The following CTNNA3 variants were observed in gnomAD, a reference collection of about 807,000 sequenced individuals.
The protein encoded by CTNNA3 is catenin alpha-3.
A neutral mutation model predicts 95.7 loss-of-function variants in CTNNA3; 76 were observed. The observed-to-expected ratio is 0.79, with a 90% CI of 0.66 to 0.96. The LOEUF (loss-of-function observed/expected upper bound fraction) is 0.96. CTNNA3 is among the 40% of genes least tolerant of loss of function. The pLI is 0.00. For synonymous variants in CTNNA3, 431 were observed against 374.4 expected, an observed-to-expected ratio of 1.15 and a Z score of -1.74; for missense variants, 1,191 against 1,089.8, an observed-to-expected ratio of 1.09 and a Z score of -1.31.
At chr10:67,485,902 T>C (rs1418950063) in intron 5 of CTNNA3, among the ~76,000 whole-genome samples, 2 of 152,216 alleles carry the variant, frequency 1.3e-5, no homozygotes, top group Non-Finnish European at 2.9e-5. Context: ...AAACACTTCT[T>C]TGTTGGTTTT....
At chr10:66,870,292 C>G (rs938435884) in intron 7 of CTNNA3, among the ~76,000 whole-genome samples, 1 of 152,148 alleles carries the variant, frequency 6.6e-6, no homozygotes, top group African/African-American at 2.4e-5. Context: ...TTTGCAAAAA[C>G]GCAATGATGC....
chr10:67,494,792 T>C (rs543684388), intron 5 of CTNNA3, among the ~76,000 whole-genome samples: 11 of 152,336 alleles, frequency 7.2e-5, no homozygotes, highest in Non-Finnish European at 7.3e-5. Flanking sequence ...CTATGAAATG[T>C]AATATTAACA....
chr10:67,603,215 T>C (rs1239875956), intron 3 of CTNNA3, among the ~76,000 whole-genome samples: 2 of 152,178 alleles, frequency 1.3e-5, no homozygotes, highest in Middle Eastern at 3.2e-3. Flanking sequence ...CTTTGCTACA[T>C]GAGCAAAAAC....
chr10:66,862,691 C>T (rs542635517), intron 7 of CTNNA3, among the ~76,000 whole-genome samples: 6 of 152,230 alleles, frequency 3.9e-5, no homozygotes, highest in East Asian at 3.9e-4. Context: ...AGATGAAATT[C>T]GAGAAGTTTG....
At chr10:67,070,132 T>G (rs1480760805) in intron 7 of CTNNA3, among the ~76,000 whole-genome samples, 1 of 152,204 alleles carries the variant, frequency 6.6e-6, no homozygotes, top group Non-Finnish European at 1.5e-5. Flanking sequence ...TAATTTGCAT[T>G]AGTATAATGA....
chr10:67,330,237 T>C (rs943180003), intron 5 of CTNNA3, among the ~76,000 whole-genome samples: 2 of 152,194 alleles, frequency 1.3e-5, no homozygotes, highest in African/African-American at 4.8e-5. Context: ...CTGTCACATC[T>C]CTCTCCTGCA....
rs547821710 is a variant in CTNNA3 at position 66,292,871 on chromosome 10, T to A, written c.1733-12250A>T. 2.0e-3 allele frequency among the ~76,000 whole-genome samples: 300 copies of A among 152,262 alleles called. 2 individuals are homozygous for A. The highest frequency in any genetic ancestry group is 6.9e-3 in the African/African-American group (288 of 41,550). Reference sequence around the variant, plus strand: ...ATAATCTTAAATCTACCTACTTCTTTCTCCTCAAAAGACCTCATTACCTTG... The same window carrying A: ...ATAATCTTAAATCTACCTACTTCTTACTCCTCAAAAGACCTCATTACCTTG... On this transcript the variant is annotated intron_variant, in intron 12 of 17. Coordinates refer to ENST00000433211, the MANE Select transcript of CTNNA3 (RefSeq NM_013266.4).
At chr10:66,708,644 G>A (rs1007385714) in intron 9 of CTNNA3, among the ~76,000 whole-genome samples, 2 of 152,060 alleles carry the variant, frequency 1.3e-5, no homozygotes, top group African/African-American at 4.8e-5. Flanking sequence ...AGGCCAGAGA[G>A]CTGTCATGAA....
intron 11 of CTNNA3, among the ~76,000 whole-genome samples, chr10:66,436,075 G>A (rs1255432789): frequency 6.6e-6 from 1 of 152,156 alleles, no homozygotes; most frequent in Non-Finnish European, 1.5e-5. Context: ...TGCATTTGCT[G>A]AGGAGTGTTT....
At chr10:67,006,155 A>C (rs1851975580) in intron 7 of CTNNA3, among the ~76,000 whole-genome samples, 1 of 152,122 alleles carries the variant, frequency 6.6e-6, no homozygotes, top group Admixed American at 6.6e-5. Context: ...TGTTTCTTGC[A>C]GGGAAGCTGA....
At chr10:67,017,754 C>CGT (rs1564834583) in intron 7 of CTNNA3, among the ~76,000 whole-genome samples, 1 of 140,830 alleles carries the variant, frequency 7.1e-6, no homozygotes, top group African/African-American at 2.6e-5. Flanking sequence ...TGTGTGTGTG[C>CGT]GCGCGTACAA....
chr10:66,117,991 T>A (rs1418305418), intron 13 of CTNNA3, among the ~76,000 whole-genome samples: 2 of 152,140 alleles, frequency 1.3e-5, no homozygotes, highest in Non-Finnish European at 2.9e-5. Flanking sequence ...CTGTGTAACC[T>A]GGGAGAGTTA....
chr10:67,496,932 C>CT (rs1297602593), intron 5 of CTNNA3, among the ~76,000 whole-genome samples: 1 of 151,946 alleles, frequency 6.6e-6, no homozygotes, highest in African/African-American at 2.4e-5. Flanking sequence ...ATGTGTCTAT[C>CT]TTTTTTTAAA....
intron 5 of CTNNA3, among the ~76,000 whole-genome samples, chr10:67,380,416 C>T (rs1843897280): frequency 1.3e-5 from 2 of 152,106 alleles, no homozygotes; most frequent in Admixed American, 1.3e-4. Context: ...CTGTAATCTT[C>T]CAAGAGGCAT....
intron 15 of CTNNA3, among the ~76,000 whole-genome samples, chr10:65,990,109 A>ACC (rs554841143): frequency 6.2e-4 from 92 of 148,510 alleles, no homozygotes; most frequent in African/African-American, 2.1e-3. Context: ...ACACACACAC[A>ACC]CCACATTTTA....
In CTNNA3 at chr10:66,744,111, C is replaced by T. The variant is rs186894481; in HGVS notation, c.1281+22153G>A. Among the ~76,000 whole-genome samples, 596 of 151,932 alleles carry T rather than the reference C, an allele frequency of 3.9e-3. 2 individuals carry two copies. The highest frequency in any genetic ancestry group is 0.013 in the African/African-American group (549 of 41,448). Reference sequence around the variant, plus strand: ...TGACTACTATGACAGAGCAAATGCACGCTCTCAGACCTATGAGCTTCTAAA... The same window carrying T: ...TGACTACTATGACAGAGCAAATGCATGCTCTCAGACCTATGAGCTTCTAAA... On this transcript the variant is annotated intron_variant, in intron 9 of 17. Coordinates refer to ENST00000433211, the MANE Select transcript of CTNNA3 (RefSeq NM_013266.4).
chr10:66,888,668 G>T (rs914534718), intron 7 of CTNNA3, among the ~76,000 whole-genome samples: 5 of 151,958 alleles, frequency 3.3e-5, no homozygotes, highest in Admixed American at 3.3e-4. Flanking sequence ...ATTAAAACAA[G>T]ATACCACTAC....
chr10:67,372,021 T>C (rs1308792965), intron 5 of CTNNA3, among the ~76,000 whole-genome samples: 1 of 151,330 alleles, frequency 6.6e-6, no homozygotes, highest in African/African-American at 2.4e-5. Flanking sequence ...GCTGCATAAA[T>C]GTCTTCTTTT....
intron 7 of CTNNA3, among the ~76,000 whole-genome samples, chr10:66,922,602 C>T (rs1376022958): frequency 6.6e-6 from 1 of 152,236 alleles, no homozygotes; most frequent in East Asian, 1.9e-4. Flanking sequence ...AGGGGTCGTG[C>T]CAAAGTAGGG....
Sources: allele counts gnomAD v4.1 joint callset (sites outside exome capture counted in the v4.1 genomes callset), GRCh38; gene constraint gnomAD v4.1.1; transcripts MANE v1.5; gene names NCBI Gene and HGNC (gene_info 2026-07-23, HGNC 2026-07-21).